TNXB: variants seen among roughly 807,000 people sequenced by gnomAD.
TNXB encodes tenascin XB, also known as tenascin-X.
Under a neutral mutation model 340.5 loss-of-function variants are expected in TNXB, and 183 were observed. The observed-to-expected ratio is 0.54, with a 90% CI of 0.48 to 0.61. The LOEUF (loss-of-function observed/expected upper bound fraction) is 0.61, where lower values mean the gene tolerates loss of function less well. Among genes scored for constraint, TNXB ranks in the 20% least tolerant of loss-of-function variants. TNXB has a pLI of 0.00. For missense variants in TNXB, 4,613 were observed against 5,446.4 expected (o/e 0.85, Z 4.82); for synonymous variants, 2,121 against 2,314.5 (o/e 0.92, Z 2.40).
In TNXB at chr6:32,050,340, G is replaced by A. The variant is rs759165718; in HGVS notation, c.9116-19C>T. The A allele has an allele frequency of 6.2e-7, 1 of 1,607,176 alleles. No homozygotes were observed. Among genetic ancestry groups the A allele is most frequent in the East Asian group, 2.2e-5 (1 of 44,700 alleles). On this transcript the variant is annotated intron_variant, in intron 26 of 43. Transcript: ENST00000644971. ...TTTGGAGCTGGACAGACACGTGTGG[G>A]GACAGTGAGGACCCTGGGTTCTCAG...
chr6:32,083,103 C>A lies in TNXB; in HGVS notation c.3446-777G>T, dbSNP rs1779572295. ...CTCATGCAGGCCAGGGGTGGCCTTG[C>A]CATTGCTAAATTCTGTGGACGCTCC... On this transcript the variant is annotated intron_variant, in intron 8 of 43. Coordinates refer to ENST00000644971, the MANE Select transcript of TNXB (RefSeq NM_001365276.2). The surrounding 1 kb of genome is among the most constrained non-coding windows in gnomAD (Gnocchi z 4.6). Among the ~76,000 whole-genome samples the A allele has an allele frequency of 6.6e-6, 1 of 152,158 alleles. No individual in the cohort carries two copies. The highest frequency in any genetic ancestry group is 2.4e-5 in the African/African-American group (1 of 41,420).
Position 32,086,466 on chromosome 6 carries a change from G to C in TNXB, c.2780-348C>G, listed in dbSNP as rs1245876041. ...GGTGGTGGTCAGGTGGCTTCCATTAGTGCTGCAGTGAGAAGCCTGGAAGAA... is the reference window on the plus strand; with the variant it reads ...GGTGGTGGTCAGGTGGCTTCCATTACTGCTGCAGTGAGAAGCCTGGAAGAA... On this transcript the variant is annotated intron_variant, in intron 6 of 43. Transcript: ENST00000644971. Among the ~76,000 whole-genome samples, 3 of 152,292 alleles carry C rather than the reference G, an allele frequency of 2.0e-5. No individual in the cohort carries two copies. The East Asian group carries it at 5.8e-4, about 29-fold the overall frequency.
intron 26 of TNXB, among the ~76,000 whole-genome samples, chr6:32,050,933 C>T (rs1777251284): frequency 6.6e-6 from 1 of 152,190 alleles, no homozygotes; most frequent in Non-Finnish European, 1.5e-5. Flanking sequence ...TTCACACAGG[C>T]ACAGCTGCTG....
At position 32,061,258 on chromosome 6, in the gene TNXB, G is replaced by T; in HGVS notation, c.7492+139C>A. The T allele has an allele frequency of 7.5e-7, 1 of 1,332,408 alleles. No individual in the cohort carries two copies. The highest frequency in any genetic ancestry group is 1.0e-6 in the Non-Finnish European group (1 of 982,794). 82.5% of individuals were successfully genotyped at this position (1,332,408 alleles called of 1,614,324 possible). A position where few individuals can be genotyped will look rare whatever the true frequency, so the allele number is the denominator to read the frequency against. Reference sequence around the variant, plus strand: ...GTGAACAAGCAAACCGCTAGCATAGGCCACAGCCACAGGGCACAGAGGGAG... The same window carrying T: ...GTGAACAAGCAAACCGCTAGCATAGTCCACAGCCACAGGGCACAGAGGGAG... On this transcript the variant is annotated intron_variant, in intron 21 of 43. Transcript: ENST00000644971. The surrounding 1 kb of genome is among the most constrained non-coding windows in gnomAD (Gnocchi z 4.4).
chr6:32,072,363 G>C lies in TNXB; in HGVS notation c.4682-65C>G. ...GAGGGGAGAACCCCTGGGCTTTGAG[G>C]GCCTCAGGGGGGCTGTGAACTGAGA... is the stretch of plus-strand genomic sequence containing the variant. On this transcript the variant is annotated intron_variant, in intron 12 of 43. Transcript: ENST00000644971. This position sits in a 1 kb window ranked among gnomAD's most constrained non-coding sequence, Gnocchi z 4.4. 7.2e-7 allele frequency: 1 copy of C among 1,380,434 alleles called. No individual in the cohort carries two copies. Among genetic ancestry groups the C allele is most frequent in the Non-Finnish European group, 9.7e-7 (1 of 1,029,736 alleles). 85.5% of individuals were successfully genotyped at this position (1,380,434 alleles called of 1,614,324 possible).
chr6:32,055,724 CTT>C (rs1317126025), intron 24 of TNXB, 125 bp downstream of exon 24: 24 of 1,385,174 alleles, frequency 1.7e-5, no homozygotes, highest in Non-Finnish European at 2.2e-5. Context: ...CAATCTGCCT[CTT>C]AGCAAGATCC....
In TNXB at chr6:32,053,664, G is replaced by T; in HGVS notation, c.8515C>A (p.Pro2839Thr). ...ETTQAVPTTTPEPPNKPRLGE... is the reference protein window; with the variant it reads ...ETTQAVPTTTTEPPNKPRLGE... ...AGGCGAGGCTTGTTGGGGGGCTCAG[G>T]GGTTGTGGTGGGCACTGCTTGGGTG... The change falls in exon 25 of 44, where the codon CCT becomes ACT. Residue 2839 changes from proline (P) to threonine (T), a missense_variant. Pro to Thr is a conservative substitution (Grantham distance 38). Transcript: ENST00000644971. The T allele has an allele frequency of 6.2e-7, 1 of 1,613,266 alleles. No homozygotes were observed. The highest frequency in any genetic ancestry group is 8.5e-7 in the Non-Finnish European group (1 of 1,179,794).
At position 32,081,237 on chromosome 6, in the gene TNXB, G is replaced by C; in HGVS notation, c.4042+131C>G. On this transcript the variant is annotated intron_variant, in intron 10 of 43. Coordinates refer to ENST00000644971, the MANE Select transcript of TNXB (RefSeq NM_001365276.2). This position sits in a 1 kb window ranked among gnomAD's most constrained non-coding sequence, Gnocchi z 5.1. ...CAGAGGACAGGAGAGCAGTGCGGGA[G>C]GAAGTGGGTGGAGGCTTTGGCAAAA... is the stretch of plus-strand genomic sequence containing the variant. The C allele has an allele frequency of 9.6e-6, 8 of 835,024 alleles. No individual in the cohort carries two copies. Among genetic ancestry groups the C allele is most frequent in the Non-Finnish European group, 1.5e-5 (8 of 541,072 alleles). The allele number at this position is 835,024 out of a possible 1,614,324, so 51.7% of individuals were successfully genotyped here.
chr6:32,046,142 C>G lies in TNXB; in HGVS notation c.10606+33G>C, dbSNP rs754027244. 1 of 1,563,414 alleles carries G rather than the reference C, an allele frequency of 6.4e-7. No homozygotes were observed. Among genetic ancestry groups the G allele is most frequent in the Admixed American group, 1.7e-5 (1 of 57,734 alleles). On this transcript the variant is annotated intron_variant, in intron 31 of 43. Transcript: ENST00000644971. The surrounding 1 kb of genome is among the most constrained non-coding windows in gnomAD (Gnocchi z 6.9). ...AAATGCACAAGGAAACCCACACAAG[C>G]TGGCTTGCTATAGCCAGGCACAGCA...
Position 32,073,528 on chromosome 6 carries a change from G to A in TNXB, c.4681+119C>T, listed in dbSNP as rs1269081163. On this transcript the variant is annotated intron_variant, in intron 12 of 43. Transcript: ENST00000644971. This position sits in a 1 kb window ranked among gnomAD's most constrained non-coding sequence, Gnocchi z 4.6. ...TGGCAGGGTCACCGAGCCAGGGCCT[G>A]AGGGGATCTAGCCCCTCAGTGAGGG... is the stretch of plus-strand genomic sequence containing the variant. 1.4e-5 allele frequency: 12 copies of A among 878,396 alleles called. No individual in the cohort carries two copies. In the African/African-American group the frequency reaches 1.7e-4, roughly 12 times the overall value. 54.4% of individuals were successfully genotyped at this position (878,396 alleles called of 1,614,324 possible). A position where few individuals can be genotyped will look rare whatever the true frequency, so the allele number is the denominator to read the frequency against.
chr6:32,052,319 C>T lies in TNXB; in HGVS notation c.9115+351G>A, dbSNP rs999546096. On this transcript the variant is annotated intron_variant, in intron 26 of 43. Transcript: ENST00000644971. The surrounding 1 kb of genome is among the most constrained non-coding windows in gnomAD (Gnocchi z 4.7). ...TGAAAAAATTAGCTGGGCGTGGTGG[C>T]GCACGCCTGTAGTCCCAGTTACTCA... is the stretch of plus-strand genomic sequence containing the variant. 2.0e-5 allele frequency among the ~76,000 whole-genome samples: 3 copies of T among 151,976 alleles called. No individual in the cohort carries two copies. The highest frequency in any genetic ancestry group is 2.9e-5 in the Non-Finnish European group (2 of 68,004).
chr6:32,066,235 T>A (rs1383242952), intron 18 of TNXB, among the ~76,000 whole-genome samples: 8 of 152,016 alleles, frequency 5.3e-5, no homozygotes, highest in African/African-American at 1.4e-4. Flanking sequence ...CTACAAAAAA[T>A]TTTTTTAAAT....
rs994227252 is a variant in TNXB, at chr6:32,075,188, C to G, written c.4376-1236G>C. Among the ~76,000 whole-genome samples, 1 of 152,240 alleles carries G rather than the reference C, an allele frequency of 6.6e-6. No individual in the cohort carries two copies. Among genetic ancestry groups the G allele is most frequent in the South Asian group, 2.1e-4 (1 of 4,832 alleles). On this transcript the variant is annotated intron_variant, in intron 11 of 43. Coordinates refer to ENST00000644971, the MANE Select transcript of TNXB (RefSeq NM_001365276.2). This position sits in a 1 kb window ranked among gnomAD's most constrained non-coding sequence, Gnocchi z 4.6. The stretch of plus-strand genomic sequence containing the variant: ...AGGTCATCGCCTTCTGCCCTCACCC[C>G]CCTTTAGTCTGTTGGGTCTGCAGCC...
chr6:32,098,344 C>CTACCT (rs1780533054), intron 1 of TNXB, 138 bp from the exon 2 acceptor site: 1 of 674,268 alleles, frequency 1.5e-6, no homozygotes, highest in African/African-American at 1.8e-5. Context: ...ATTCACATTC[C>CTACCT]GCCCAACCCT....
chr6:32,061,436 C>G lies in TNXB; in HGVS notation c.7453G>C (p.Gly2485Arg). The G allele has an allele frequency of 1.2e-6, 2 of 1,612,992 alleles. No homozygotes were observed. The highest frequency in any genetic ancestry group is 1.7e-6 in the Non-Finnish European group (2 of 1,179,612). The change falls in exon 21 of 44, where the codon GGG becomes CGG. Residue 2485 changes from glycine (G) to arginine (R), a missense_variant. Gly to Arg is a moderately radical substitution (Grantham distance 125). Transcript: ENST00000644971. The surrounding 1 kb of genome is among the most constrained non-coding windows in gnomAD (Gnocchi z 4.4). The stretch of plus-strand genomic sequence containing the variant: ...GTGGACACCGGGCCCACGCGCCGCC[C>G]CTCGTGGAGGCCATACAGGTGCATC... ...YKMHLYGLHE[G>R]RRVGPVSTVG...
In TNXB at chr6:32,088,899, CA is replaced by C. The variant is rs1779945147; in HGVS notation, c.2664del (p.Glu889LysfsTer7). 6.3e-7 allele frequency: 1 copy of C among 1,595,204 alleles called. No homozygotes were observed. Among genetic ancestry groups the C allele is most frequent in the African/African-American group, 1.3e-5 (1 of 74,530 alleles). ...GNQRVRLEVPPEADGTLLTDL... is the reference protein window; with the variant it reads ...GNQRVRLEVPXEADGTLLTDL... ...TCAGTCAGCAGCGTCCCGTCTGCTT[CA>C]GGGGGCACTTCCAGCCTCACCCTCT... On this transcript the variant is annotated frameshift_variant, in exon 6 of 44. Coordinates refer to ENST00000644971, the MANE Select transcript of TNXB (RefSeq NM_001365276.2). LOFTEE classifies it high-confidence loss of function.
chr6:32,108,835 G>A lies in TNXB; in HGVS notation c.-9+346C>T, dbSNP rs1373029139. ...CTTCCCGCTAGCCCCAGCACCTCCAGGGCCCAGGGGCTCACCTCACCAATA... is the reference window on the plus strand; with the variant it reads ...CTTCCCGCTAGCCCCAGCACCTCCAAGGCCCAGGGGCTCACCTCACCAATA... On this transcript the variant is annotated intron_variant, in intron 1 of 43. Coordinates refer to ENST00000644971, the MANE Select transcript of TNXB (RefSeq NM_001365276.2). The surrounding 1 kb of genome is among the most constrained non-coding windows in gnomAD (Gnocchi z 4.8). Among the ~76,000 whole-genome samples the A allele has an allele frequency of 1.3e-5, 2 of 152,098 alleles. No homozygotes were observed. Among genetic ancestry groups the A allele is most frequent in the African/African-American group, 2.4e-5 (1 of 41,408 alleles).
At position 32,050,215 on chromosome 6, in the gene TNXB, G is replaced by A. The variant is rs765936107; in HGVS notation, c.9222C>T (p.Asp3074=). The A allele has an allele frequency of 1.9e-5, 31 of 1,613,686 alleles. No homozygotes were observed. Among genetic ancestry groups the A allele is most frequent in the Non-Finnish European group, 2.4e-5 (28 of 1,179,888 alleles). The change falls in exon 27 of 44, where the codon GAC becomes GAT. Residue 3074 remains aspartate, a synonymous_variant. Transcript: ENST00000644971. ...GAACCATCCAGGACAGGCTGAGGGAGTCGGGGGTGGCATCTGTCACGGTCA... is the reference window on the plus strand; with the variant it reads ...GAACCATCCAGGACAGGCTGAGGGAATCGGGGGTGGCATCTGTCACGGTCA... ...GELTVTDATP[D]SLSLSWMVPE...
rs571291130 is a variant in TNXB, at chr6:32,064,968, C to T, written c.6694G>A (p.Asp2232Asn). ...ACCCGCACCGCCTTGGGCTGCCCGT[C>T]CCCATTCTTAAACTGGACCAAGAAA... ...DHFLVQFKNG[D>N]GQPKAVRVPG... The change falls in exon 19 of 44, where the codon GAC (aspartate) becomes AAC (asparagine). Residue 2232 changes from aspartate (D) to asparagine (N), a missense_variant. Asp to Asn is a conservative substitution (Grantham distance 23, BLOSUM62 1). This residue lies in a region of TNXB where 4,327 missense variants were observed against 4,859.4 expected (regional missense o/e 0.89). Coordinates refer to ENST00000644971, the MANE Select transcript of TNXB (RefSeq NM_001365276.2). The surrounding 1 kb of genome is among the most constrained non-coding windows in gnomAD (Gnocchi z 5.3). 7.4e-5 allele frequency: 120 copies of T among 1,612,766 alleles called. 1 individual carries two copies. The East Asian group carries it at 2.7e-3, about 36-fold the overall frequency.
Sources: gnomAD v4.1 joint callset for allele counts (sites outside exome capture counted in the v4.1 genomes callset) on GRCh38, gnomAD v4.1.1 for gene constraint, gnomAD v4.1.1 regional missense constraint, Gnocchi (gnomAD v3.1) non-coding constraint, MANE v1.5 for transcripts, NCBI Gene and HGNC (gene_info 2026-07-23, HGNC 2026-07-21) for gene names.